The following FREM3 variants were observed in gnomAD, a reference collection of about 807,000 sequenced individuals.
FREM3 encodes FRAS1-related extracellular matrix protein 3.
FREM3 carries 105 observed loss-of-function variants against 129.1 expected under a neutral mutation model. The observed-to-expected ratio is 0.81, with a 90% CI of 0.69 to 0.96. FREM3 has a LOEUF of 0.96. Ranked by LOEUF, FREM3 falls within the 40% of genes least tolerant of loss-of-function variation. The probability of loss-of-function intolerance (pLI) is 0.00; values close to 1 mark genes in which losing one functional copy is unlikely to be tolerated. For synonymous variants in FREM3, 1,014 were observed against 1,044.9 expected, an observed-to-expected ratio of 0.97 and a Z score of 0.57; for missense variants, 2,593 against 2,666.3, an observed-to-expected ratio of 0.97 and a Z score of 0.61.
intron 6 of FREM3, among the ~76,000 whole-genome samples, chr4:143,587,795 A>G (rs1319098053): frequency 6.6e-6 from 1 of 152,164 alleles, no homozygotes; most frequent in African/African-American, 2.4e-5. Context: ...GGTATCTCTT[A>G]TCTGCAGTTC....
intron 2 of FREM3, among the ~76,000 whole-genome samples, chr4:143,681,573 ATC>A (rs1740250624): frequency 6.6e-6 from 1 of 152,148 alleles, no homozygotes. Flanking sequence ...AAGTAGACTG[ATC>A]TCTTATGGTG....
intron 2 of FREM3, among the ~76,000 whole-genome samples, chr4:143,658,067 C>T (rs911347223): frequency 6.6e-6 from 1 of 152,214 alleles, no homozygotes; most frequent in African/African-American, 2.4e-5. Context: ...ACTGCCATCT[C>T]CTCTTTTCTA....
chr4:143,672,550 G>GA (rs1243210275), intron 2 of FREM3, among the ~76,000 whole-genome samples: 1 of 152,138 alleles, frequency 6.6e-6, no homozygotes, highest in East Asian at 1.9e-4. Flanking sequence ...CAACTTTGGT[G>GA]AATCTGACAA....
At chr4:143,644,474 T>G (rs1739379911) in intron 2 of FREM3, among the ~76,000 whole-genome samples, 2 of 152,206 alleles carry the variant, frequency 1.3e-5, no homozygotes, top group South Asian at 4.1e-4. Context: ...GAGTCAAACC[T>G]TGTAGATCCC....
At chr4:143,665,080 G>A (rs934683126) in intron 2 of FREM3, among the ~76,000 whole-genome samples, 3 of 152,048 alleles carry the variant, frequency 2.0e-5, no homozygotes, top group Non-Finnish European at 2.9e-5. Flanking sequence ...GCTCGCGCAC[G>A]GTGTGCTGCA....
chr4:143,634,386 G>C (rs1739198710), intron 2 of FREM3, among the ~76,000 whole-genome samples: 1 of 152,118 alleles, frequency 6.6e-6, no homozygotes, highest in African/African-American at 2.4e-5. Context: ...CTAGGCAATT[G>C]TGGAGTTGGA....
intron 2 of FREM3, among the ~76,000 whole-genome samples, chr4:143,677,725 T>C (rs1272050220): frequency 3.9e-5 from 6 of 152,036 alleles, no homozygotes; most frequent in African/African-American, 9.7e-5. Context: ...AAAAAGTGGG[T>C]GAAGGACATG....
In FREM3 at chr4:143,588,650, AC is replaced by A. The variant is rs1368120955; in HGVS notation, c.6029-2658del. ...TCTTAATCCAGTCTATCATTGTTGGACATTTGGGTTGGTTCCAAGTCTTTGC... is the reference window on the plus strand; with the variant it reads ...TCTTAATCCAGTCTATCATTGTTGGAATTTGGGTTGGTTCCAAGTCTTTGC... On this transcript the variant is annotated intron_variant, in intron 6 of 7. Coordinates refer to ENST00000329798, the MANE Select transcript of FREM3 (RefSeq NM_001168235.2). Among the ~76,000 whole-genome samples the A allele has an allele frequency of 3.2e-4, 49 of 151,778 alleles. No individual in the cohort carries two copies. In the East Asian group the frequency reaches 6.2e-3, roughly 19 times the overall value.
At chr4:143,690,058 T>G (rs1740438509) in intron 2 of FREM3, among the ~76,000 whole-genome samples, 1 of 151,730 alleles carries the variant, frequency 6.6e-6, no homozygotes, top group Non-Finnish European at 1.5e-5. Flanking sequence ...TGTCAAAACC[T>G]TGATTCTATT....
chr4:143,610,018 A>G (rs914738222), intron 6 of FREM3, among the ~76,000 whole-genome samples: 2 of 152,202 alleles, frequency 1.3e-5, no homozygotes, highest in South Asian at 4.1e-4. Flanking sequence ...TACTCAAATT[A>G]TTTTAAGAAA....
intron 2 of FREM3, among the ~76,000 whole-genome samples, chr4:143,680,207 G>C (rs1740225354): frequency 6.6e-6 from 1 of 150,868 alleles, no homozygotes; most frequent in South Asian, 2.1e-4. Context: ...ATACATTTTA[G>C]ACCTTCCCCT....
Position 143,699,094 on chromosome 4 carries a change from C to G in FREM3, c.1582G>C (p.Val528Leu). Residue 528 changes from valine (V) to leucine (L), a missense_variant, in exon 1 of 8, where the codon GTG becomes CTG. Transcript: ENST00000329798. This position sits in a 1 kb window ranked among gnomAD's most constrained non-coding sequence, Gnocchi z 4.2. Reference protein sequence around the residue: ...IFRMEDGHHQVDFLFPLTILP... With the variant: ...IFRMEDGHHQLDFLFPLTILP... Reference sequence around the variant, plus strand: ...ATGGTGAGGGGAAAGAGGAAGTCCACTTGGTGGTGCCCGTCCTCCATCCGG... The same window carrying G: ...ATGGTGAGGGGAAAGAGGAAGTCCAGTTGGTGGTGCCCGTCCTCCATCCGG... The G allele has an allele frequency of 2.0e-6, 3 of 1,537,436 alleles. No homozygotes were observed. The highest frequency in any genetic ancestry group is 1.7e-4 in the Middle Eastern group (1 of 5,990).
intron 1 of FREM3, among the ~76,000 whole-genome samples, chr4:143,695,092 A>T (rs1165016722): frequency 1.3e-5 from 2 of 152,258 alleles, no homozygotes; most frequent in Non-Finnish European, 2.9e-5. Context: ...TCTAGATACC[A>T]AACATCTTCA....
At chr4:143,625,974 T>A (rs1380639209) in intron 3 of FREM3, among the ~76,000 whole-genome samples, 7 of 152,160 alleles carry the variant, frequency 4.6e-5, no homozygotes, top group Non-Finnish European at 1.0e-4. Flanking sequence ...CTGAACTCTT[T>A]TGAAAGTCAC....
chr4:143,607,068 T>C (rs1166219020), intron 6 of FREM3, among the ~76,000 whole-genome samples: 1 of 152,176 alleles, frequency 6.6e-6, no homozygotes, highest in Non-Finnish European at 1.5e-5. Flanking sequence ...CACTGCTGTA[T>C]CCTCTATGCT....
At chr4:143,655,541 T>C (rs1450243) in intron 2 of FREM3, among the ~76,000 whole-genome samples, 82,970 of 152,076 alleles carry the variant, frequency 0.55, 23,607 homozygotes, top group East Asian at 0.71. Context: ...GGAGATGATT[T>C]CTAATTGATG....
Position 143,624,252 on chromosome 4 carries a change from T to G in FREM3, c.5509A>C (p.Thr1837Pro). The G allele has an allele frequency of 1.3e-6, 2 of 1,536,956 alleles. No individual in the cohort carries two copies. The highest frequency in any genetic ancestry group is 1.7e-6 in the Non-Finnish European group (2 of 1,146,636). The change falls in exon 4 of 8, where the codon ACT (threonine) becomes CCT (proline). Residue 1837 changes from threonine to proline, a missense_variant. Transcript: ENST00000329798. ...NKQIQFNPGQ[T>P]TATWRVRIIP... ...ATTCTCACCCTCCATGTGGCTGTAG[T>G]CTGTCCAGGATTGAACTGGATCTGT...
intron 2 of FREM3, among the ~76,000 whole-genome samples, chr4:143,677,621 AG>A (rs1483750312): frequency 1.3e-5 from 2 of 152,246 alleles, no homozygotes; most frequent in African/African-American, 4.8e-5. Flanking sequence ...ACAGAATGGG[AG>A]AAAAATTTTG....
chr4:143,699,396 G>A lies in FREM3; in HGVS notation c.1280C>T (p.Ser427Phe). 6.5e-7 allele frequency: 1 copy of A among 1,537,282 alleles called. No homozygotes were observed. The highest frequency in any genetic ancestry group is 8.7e-7 in the Non-Finnish European group (1 of 1,146,914). ...AGCCACTGGGACCAGAGTATTCATG[G>A]ATTTCACTGTCACCATGAAGGCAAA... is the stretch of plus-strand genomic sequence containing the variant. Reference protein sequence around the residue: ...DPFAFMVTVKSMNTLVPVASH... With the variant: ...DPFAFMVTVKFMNTLVPVASH... Residue 427 changes from serine (S) to phenylalanine (F), a missense_variant, in exon 1 of 8, where the codon TCC becomes TTC. By Grantham distance (155) the Ser-to-Phe change is radical. Around this residue, in one of 2 missense-constraint regions of FREM3, gnomAD observed 2,276 missense variants for 2,267.2 expected, o/e 1.00. Coordinates refer to ENST00000329798, the MANE Select transcript of FREM3 (RefSeq NM_001168235.2). The surrounding 1 kb of genome is among the most constrained non-coding windows in gnomAD (Gnocchi z 4.2).
Sources: gnomAD v4.1 joint callset for allele counts (sites outside exome capture counted in the v4.1 genomes callset) on GRCh38, gnomAD v4.1.1 for gene constraint, gnomAD v4.1.1 regional missense constraint, Gnocchi (gnomAD v3.1) non-coding constraint, MANE v1.5 for transcripts, NCBI Gene and HGNC (gene_info 2026-07-23, HGNC 2026-07-21) for gene names.